Variants in ANKRD29 observed in about 807,000 individuals in gnomAD.
ANKRD29 encodes ankyrin repeat domain 29.
Under a neutral mutation model 38.0 loss-of-function variants are expected in ANKRD29, and 32 were observed. The observed-to-expected ratio is 0.84, with a 90% CI of 0.64 to 1.13. The LOEUF (loss-of-function observed/expected upper bound fraction) is 1.13, where lower values mean the gene tolerates loss of function less well. ANKRD29 is among the 50% of genes most tolerant of loss of function. ANKRD29 has a pLI of 0.00. For missense variants in ANKRD29, 357 were observed against 377.9 expected (o/e 0.94, Z 0.46); for synonymous variants, 135 against 152.4 (o/e 0.89, Z 0.84).
At chr18:23,638,432 C>T (rs988932806) in intron 4 of ANKRD29, among the ~76,000 whole-genome samples, 3 of 152,096 alleles carry the variant, frequency 2.0e-5, no homozygotes, top group Admixed American at 6.6e-5. Flanking sequence ...AGAAATGTCT[C>T]AGATCTAGTA....
rs12956140 is a variant in ANKRD29 at position 23,662,868 on chromosome 18, C to T, written c.-138G>A. 2.7e-6 allele frequency: 2 copies of T among 749,032 alleles called. No homozygotes were observed. Among genetic ancestry groups the T allele is most frequent in the African/African-American group, 1.9e-5 (1 of 52,732 alleles). The allele number at this position is 749,032 out of a possible 1,614,324, so 46.4% of individuals were successfully genotyped here. On this transcript the variant is annotated 5_prime_UTR_variant, in exon 1 of 10. Coordinates refer to ENST00000592179, the MANE Select transcript of ANKRD29 (RefSeq NM_173505.4). ...CGCCGCGCGCTCCCGCCGCCCGGCC[C>T]GGCAGCAGCCGCCGCACACAGGGCC...
At position 23,646,249 on chromosome 18, in the gene ANKRD29, G is replaced by A. The variant is rs767221308; in HGVS notation, c.171C>T (p.Gly57=). 2 of 1,613,964 alleles carry A rather than the reference G, an allele frequency of 1.2e-6. No homozygotes were observed. Among genetic ancestry groups the A allele is most frequent in the African/African-American group, 1.3e-5 (1 of 74,922 alleles). The change falls in exon 3 of 10, where the codon GGC becomes GGT. Residue 57 remains glycine, a synonymous_variant. Transcript: ENST00000592179. ...CCAGTTCCCTCACACAGTCTATGTG[G>A]CCAGCGTAGGCAGCAACCATCAGGA... is the stretch of plus-strand genomic sequence containing the variant. ...TTLLMVAAYA[G]HIDCVRELVL...
In ANKRD29 at chr18:23,600,988, G is replaced by A. The variant is rs1172008331; in HGVS notation, c.*238C>T. On this transcript the variant is annotated 3_prime_UTR_variant, in exon 10 of 10. Transcript: ENST00000592179. ...AATCTGTGAACATGCCAGGCCCCCC[G>A]GGAGATGAGTTACAGGACACCATGA... is the stretch of plus-strand genomic sequence containing the variant. 3 of 369,212 alleles carry A rather than the reference G, an allele frequency of 8.1e-6. No homozygotes were observed. The highest frequency in any genetic ancestry group is 9.8e-6 in the Non-Finnish European group (2 of 203,352). 22.9% of individuals were successfully genotyped at this position (369,212 alleles called of 1,614,324 possible).
chr18:23,659,322 C>T (rs1052806970), intron 1 of ANKRD29, among the ~76,000 whole-genome samples: 1 of 152,156 alleles, frequency 6.6e-6, no homozygotes, highest in Non-Finnish European at 1.5e-5. Flanking sequence ...TGGATTGTTT[C>T]CACTTTCTGA....
chr18:23,636,009 A>T (rs1476305263), intron 4 of ANKRD29, among the ~76,000 whole-genome samples: 2 of 152,214 alleles, frequency 1.3e-5, no homozygotes, highest in East Asian at 3.8e-4. Flanking sequence ...TAACAGCAGG[A>T]ATAAGCACCA....
At chr18:23,655,020 CATAAA>C (rs1278353656) in intron 1 of ANKRD29, among the ~76,000 whole-genome samples, 1 of 152,076 alleles carries the variant, frequency 6.6e-6, no homozygotes, top group Non-Finnish European at 1.5e-5. Flanking sequence ...TTAGAGGTGA[CATAAA>C]ATAAAGATGT....
chr18:23,638,833 A>G lies in ANKRD29; in HGVS notation c.330+16T>C, dbSNP rs1303566811. 1 of 1,591,988 alleles carries G rather than the reference A, an allele frequency of 6.3e-7. No individual in the cohort carries two copies. Among genetic ancestry groups the G allele is most frequent in the African/African-American group, 1.3e-5 (1 of 74,104 alleles). On this transcript the variant is annotated intron_variant, in intron 4 of 9. Transcript: ENST00000592179. ...AAATTCTTCAACATAATACAAAATC[A>G]AGAAGGTTATCTCACTTTGGTCCTA...
At chr18:23,639,637 G>T (rs1342482164) in intron 3 of ANKRD29, among the ~76,000 whole-genome samples, 1 of 151,140 alleles carries the variant, frequency 6.6e-6, no homozygotes, top group East Asian at 2.0e-4. Flanking sequence ...CCAGGTTCAA[G>T]TGATTCTCAT....
At chr18:23,616,559 T>C in intron 8 of ANKRD29, among the ~76,000 whole-genome samples, 1 of 139,590 alleles carries the variant, frequency 7.2e-6, no homozygotes. Context: ...AGTATATATA[T>C]ATATACACTA....
chr18:23,631,795 C>T (rs565344008), intron 5 of ANKRD29, among the ~76,000 whole-genome samples: 1 of 152,310 alleles, frequency 6.6e-6, no homozygotes, highest in East Asian at 1.9e-4. Context: ...TTTCTGTTTT[C>T]TTGGACACAT....
At position 23,611,906 on chromosome 18, in the gene ANKRD29, T is replaced by C. The variant is rs115336857; in HGVS notation, c.822+186A>G. Among the ~76,000 whole-genome samples, 1,520 of 152,252 alleles carry C rather than the reference T, an allele frequency of 1.0e-2. 22 individuals carry two copies. Among genetic ancestry groups the C allele is most frequent in the African/African-American group, 0.035 (1,448 of 41,548 alleles). ...AACCATTGATATGAGTCAGGGTTTTTATTAACAGTAGAATTTCCTGGGTCC... is the reference window on the plus strand; with the variant it reads ...AACCATTGATATGAGTCAGGGTTTTCATTAACAGTAGAATTTCCTGGGTCC... On this transcript the variant is annotated intron_variant, in intron 9 of 9. Coordinates refer to ENST00000592179, the MANE Select transcript of ANKRD29 (RefSeq NM_173505.4).
At chr18:23,649,285 A>G in intron 1 of ANKRD29, 92 bp from the exon 2 acceptor site, 2 of 916,396 alleles carry the variant, frequency 2.2e-6, no homozygotes, top group South Asian at 1.5e-5. Flanking sequence ...AGAAAGAAGA[A>G]CATCCAGATG....
At chr18:23,646,789 T>C (rs2060145760) in intron 2 of ANKRD29, 1 of 153,484 alleles carries the variant, frequency 6.5e-6, no homozygotes, top group South Asian at 2.0e-4. Context: ...CCCAGGTAGC[T>C]GTCACTGACC....
chr18:23,631,643 A>G (rs2059933802), intron 5 of ANKRD29, among the ~76,000 whole-genome samples: 1 of 152,176 alleles, frequency 6.6e-6, no homozygotes, highest in Non-Finnish European at 1.5e-5. Context: ...CCATCTCCAC[A>G]AAGTGGCTCT....
intron 1 of ANKRD29, among the ~76,000 whole-genome samples, chr18:23,650,658 T>C (rs1288018779): frequency 6.6e-6 from 1 of 152,168 alleles, no homozygotes; most frequent in African/African-American, 2.4e-5. Context: ...ACAAGTAAGT[T>C]GGCCCTTGGG....
At chr18:23,654,890 A>T (rs750695490) in intron 1 of ANKRD29, among the ~76,000 whole-genome samples, 4 of 152,134 alleles carry the variant, frequency 2.6e-5, no homozygotes, top group Non-Finnish European at 5.9e-5. Flanking sequence ...AAAAGCTAAG[A>T]GGGGGTAGAA....
chr18:23,610,383 C>A lies in ANKRD29; in HGVS notation c.822+1709G>T, dbSNP rs545428591. ...GTTCCAGCTATTGGGCAGGCTGAGG[C>A]AGGAGAATTGCTTGAACCTGGGAGG... On this transcript the variant is annotated intron_variant, in intron 9 of 9. Transcript: ENST00000592179. Among the ~76,000 whole-genome samples the A allele has an allele frequency of 5.2e-4, 79 of 152,296 alleles. 1 individual carries two copies. The highest frequency in any genetic ancestry group is 1.8e-3 in the African/African-American group (73 of 41,556).
At chr18:23,619,694 T>C (rs2059772058) in intron 6 of ANKRD29, 65 bp from the exon 7 acceptor site, 1 of 1,377,234 alleles carries the variant, frequency 7.3e-7, no homozygotes, top group African/African-American at 1.5e-5. Context: ...TCACAGAACG[T>C]CTTTAACACC....
At chr18:23,630,803 CT>C (rs556409382) in intron 5 of ANKRD29, among the ~76,000 whole-genome samples, 2,849 of 143,376 alleles carry the variant, frequency 0.02, 86 homozygotes, top group African/African-American at 0.069. Context: ...TCTAAAAATT[CT>C]TTTTTTTTTT....
Sources: gnomAD v4.1 joint callset for allele counts (sites outside exome capture counted in the v4.1 genomes callset) on GRCh38, gnomAD v4.1.1 for gene constraint, MANE v1.5 for transcripts, NCBI Gene and HGNC (gene_info 2026-07-23, HGNC 2026-07-21) for gene names.